IQCM: variants seen among roughly 807,000 people sequenced by gnomAD.
IQCM encodes the protein IQ domain-containing protein M.
A neutral mutation model predicts 57.6 loss-of-function variants in IQCM; 45 were observed. That is an observed-to-expected ratio of 0.78 (90% CI 0.62 to 1.00). The LOEUF is 1.00. Ranked by LOEUF, IQCM falls within the 50% of genes least tolerant of loss-of-function variation. The pLI is 0.00. For synonymous variants in IQCM, 148 were observed against 158.9 expected (o/e 0.93, Z 0.51); for missense variants, 468 against 511.6 (o/e 0.91, Z 0.82).
chr4:149,624,713 G>C (rs745537621), intron 7 of IQCM, among the ~76,000 whole-genome samples: 6 of 152,134 alleles, frequency 3.9e-5, no homozygotes, highest in Non-Finnish European at 7.4e-5. Flanking sequence ...CAATTCACCT[G>C]GATATCAGCA....
At chr4:149,429,506 T>C (rs184779800) in intron 13 of IQCM, among the ~76,000 whole-genome samples, 29 of 151,974 alleles carry the variant, frequency 1.9e-4, no homozygotes, top group Admixed American at 3.9e-4. Context: ...ATGTACCAGG[T>C]ATTTTTAGAG....
chr4:149,709,217 T>A, intron 5 of IQCM, among the ~76,000 whole-genome samples: 1 of 152,094 alleles, frequency 6.6e-6, no homozygotes, highest in East Asian at 1.9e-4. Flanking sequence ...AACTAGAACA[T>A]TAGCTTTCAG....
At chr4:149,373,816 A>C (rs1183144083) in intron 13 of IQCM, among the ~76,000 whole-genome samples, 1 of 152,080 alleles carries the variant, frequency 6.6e-6, no homozygotes, top group Admixed American at 6.6e-5. Flanking sequence ...AATTTTAAAA[A>C]ATATTTCTCA....
At position 149,593,013 on chromosome 4, in the gene IQCM, T is replaced by C. The variant is rs193072652; in HGVS notation, c.682-5016A>G. Among the ~76,000 whole-genome samples, 458 of 152,300 alleles carry C rather than the reference T, an allele frequency of 3.0e-3. 3 individuals carry two copies. Among genetic ancestry groups the C allele is most frequent in the Middle Eastern group, 6.8e-3 (2 of 294 alleles). On this transcript the variant is annotated intron_variant, in intron 8 of 13. Transcript: ENST00000636793. ...TTGAAGAAAGTCATTGGTAGCTTGA[T>C]GGGGATGGCATTGAATCTATAAATT... is the stretch of plus-strand genomic sequence containing the variant.
intron 3 of IQCM, among the ~76,000 whole-genome samples, chr4:149,735,891 C>G (rs1766891035): frequency 6.6e-6 from 1 of 151,322 alleles, no homozygotes; most frequent in Admixed American, 6.6e-5. Flanking sequence ...AGAAGCAGCA[C>G]TGAAATTCAA....
intron 5 of IQCM, among the ~76,000 whole-genome samples, chr4:149,698,091 C>A (rs1025206322): frequency 6.6e-6 from 1 of 151,890 alleles, no homozygotes; most frequent in African/African-American, 2.4e-5. Context: ...TGTCTGAATA[C>A]TTTGTACTTC....
chr4:149,541,927 T>C (rs547530439), intron 12 of IQCM, among the ~76,000 whole-genome samples: 1 of 152,200 alleles, frequency 6.6e-6, no homozygotes, highest in South Asian at 2.1e-4. Context: ...TCTGGAGCTA[T>C]TATACACAAT....
Position 149,351,888 on chromosome 4 carries a change from GTGTTAAC to G in IQCM, c.*56_*62del. The G allele has an allele frequency of 2.5e-6, 1 of 397,908 alleles. No individual in the cohort carries two copies. The highest frequency in any genetic ancestry group is 4.4e-6 in the Non-Finnish European group (1 of 225,622). 24.6% of individuals were successfully genotyped at this position (397,908 alleles called of 1,614,324 possible). Reference sequence around the variant, plus strand: ...CTCATACAGAATTGATCCACCTCCAGTGTTAACTTGTCTCTTTGGGTAGAGAAGTTTA... The same window carrying G: ...CTCATACAGAATTGATCCACCTCCAGTTGTCTCTTTGGGTAGAGAAGTTTA... On this transcript the variant is annotated 3_prime_UTR_variant, in exon 14 of 14. Transcript: ENST00000636793.
chr4:149,751,020 C>T (rs1261956152), intron 2 of IQCM, among the ~76,000 whole-genome samples: 1 of 152,090 alleles, frequency 6.6e-6, no homozygotes, highest in African/African-American at 2.4e-5. Context: ...CTAATATTTA[C>T]AAGGTCTGAA....
At chr4:149,755,776 CTTGAAG>C (rs1768903332) in intron 2 of IQCM, among the ~76,000 whole-genome samples, 1 of 152,142 alleles carries the variant, frequency 6.6e-6, no homozygotes, top group Non-Finnish European at 1.5e-5. Context: ...TCCAGGTGCA[CTTGAAG>C]TTGAAGTATG....
At chr4:149,672,081 CA>C (rs1440190514) in intron 7 of IQCM, among the ~76,000 whole-genome samples, 2 of 152,092 alleles carry the variant, frequency 1.3e-5, no homozygotes, top group African/African-American at 4.8e-5. Context: ...GGAAAACTAA[CA>C]AACAGAAAGG....
chr4:149,471,391 A>G (rs907414684), intron 12 of IQCM, among the ~76,000 whole-genome samples: 16 of 152,208 alleles, frequency 1.1e-4, no homozygotes, highest in African/African-American at 3.6e-4. Context: ...ATTCCAGGAC[A>G]CAAACACCCA....
chr4:149,686,760 G>A (rs570079176), intron 5 of IQCM, among the ~76,000 whole-genome samples: 15 of 151,550 alleles, frequency 9.9e-5, no homozygotes, highest in Non-Finnish European at 1.3e-4. Flanking sequence ...AGCATATACC[G>A]ATGAATACAA....
At chr4:149,627,236 G>A (rs912755549) in intron 7 of IQCM, among the ~76,000 whole-genome samples, 1 of 152,188 alleles carries the variant, frequency 6.6e-6, no homozygotes, top group Non-Finnish European at 1.5e-5. Flanking sequence ...GAATAGGAAA[G>A]TCTCCACCTC....
At chr4:149,360,267 A>G (rs917476982) in intron 13 of IQCM, among the ~76,000 whole-genome samples, 4 of 152,204 alleles carry the variant, frequency 2.6e-5, no homozygotes, top group Non-Finnish European at 5.9e-5. Context: ...AAAAGCAAAA[A>G]TTAAAAAATG....
rs370111091 is a variant in IQCM at position 149,431,931 on chromosome 4, T to TTATA, written c.1390+1461_1390+1464dup. On this transcript the variant is annotated intron_variant, in intron 13 of 13. Transcript: ENST00000636793. ...TTTTGGCAACTTTGAATAATGTTGATTATATATATATATATATATGTGTAT... is the reference window on the plus strand; with the variant it reads ...TTTTGGCAACTTTGAATAATGTTGATTATATATATATATATATATATATGTGTAT... 2.2e-3 allele frequency among the ~76,000 whole-genome samples: 323 copies of TTATA among 146,644 alleles called. 1 individual carries two copies. Among genetic ancestry groups the TTATA allele is most frequent in the African/African-American group, 7.1e-3 (284 of 40,268 alleles).
chr4:149,430,476 A>AT (rs1482091323), intron 13 of IQCM, among the ~76,000 whole-genome samples: 2 of 151,886 alleles, frequency 1.3e-5, no homozygotes, highest in Non-Finnish European at 2.9e-5. Flanking sequence ...TCACTCTCAA[A>AT]TTTTTTAACC....
At chr4:149,670,717 T>C (rs1490037740) in intron 7 of IQCM, among the ~76,000 whole-genome samples, 1 of 152,216 alleles carries the variant, frequency 6.6e-6, no homozygotes, top group Non-Finnish European at 1.5e-5. Flanking sequence ...AGGCCTTTTC[T>C]GCATCTATTG....
chr4:149,542,260 T>C (rs1192462568), intron 12 of IQCM, among the ~76,000 whole-genome samples: 1 of 152,086 alleles, frequency 6.6e-6, no homozygotes, highest in Non-Finnish European at 1.5e-5. Context: ...AAATTAACTT[T>C]TCTTTTGAAA....
Sources: gnomAD v4.1 joint callset for allele counts (sites outside exome capture counted in the v4.1 genomes callset) on GRCh38, gnomAD v4.1.1 for gene constraint, MANE v1.5 for transcripts, NCBI Gene and HGNC (gene_info 2026-07-23, HGNC 2026-07-21) for gene names.